The following TMEM214 variants were observed in gnomAD, a reference collection of about 807,000 sequenced individuals.
TMEM214 encodes the protein transmembrane protein 214.
TMEM214 carries 71 observed loss-of-function variants against 89.8 expected under a neutral mutation model. The observed-to-expected ratio is 0.79, with a 90% confidence interval of 0.65 to 0.96. The LOEUF (loss-of-function observed/expected upper bound fraction) is 0.96. TMEM214 is among the 40% of genes least tolerant of loss of function. TMEM214 has a pLI of 0.00. For missense variants in TMEM214, 754 were observed against 843.4 expected (o/e 0.89, Z 1.31); for synonymous variants, 332 against 349.5 (o/e 0.95, Z 0.56).
Position 27,034,275 on chromosome 2 carries a change from G to A in TMEM214, c.351+9G>A, listed in dbSNP as rs1452662923. 2 of 1,612,582 alleles carry A rather than the reference G, an allele frequency of 1.2e-6. No individual in the cohort carries two copies. The highest frequency in any genetic ancestry group is 1.7e-5 in the Admixed American group (1 of 59,838). On this transcript the variant is annotated intron_variant, in intron 2 of 16. Transcript: ENST00000238788. ...AGGAAGCACTGAAAGCTGTGAGTGT[G>A]CCTAGACATGAGACGCAGAAAGAAT...
chr2:27,038,886 C>T lies in TMEM214; in HGVS notation c.1407+71C>T. 1.4e-6 allele frequency: 2 copies of T among 1,478,268 alleles called. No homozygotes were observed. The highest frequency in any genetic ancestry group is 4.6e-5 in the East Asian group (2 of 43,900). The allele number at this position is 1,478,268 out of a possible 1,614,324, so 91.6% of individuals were successfully genotyped here. On this transcript the variant is annotated intron_variant, in intron 12 of 16. Coordinates refer to ENST00000238788, the MANE Select transcript of TMEM214 (RefSeq NM_017727.5). This position sits in a 1 kb window ranked among gnomAD's most constrained non-coding sequence, Gnocchi z 4.4. ...CTGTCTCAGCACACCTGGGTTGGGCCTGTATCACATTCCTGCCCCACCTGT... is the reference window on the plus strand; with the variant it reads ...CTGTCTCAGCACACCTGGGTTGGGCTTGTATCACATTCCTGCCCCACCTGT...
rs1168258961 is a variant in TMEM214 at position 27,034,251 on chromosome 2, G to T, written c.336G>T (p.Glu112Asp). ...NQKQGRFRSL[E>D]EALKALDVAD... ...AGCAGGGCCGCTTCCGCAGCCTGGA[G>T]GAAGCACTGAAAGCTGTGAGTGTGC... Residue 112 changes from glutamate (E) to aspartate (D), a missense_variant, in exon 2 of 17, where the codon GAG becomes GAT. Glu to Asp is a conservative substitution (Grantham distance 45). Coordinates refer to ENST00000238788, the MANE Select transcript of TMEM214 (RefSeq NM_017727.5). The T allele has an allele frequency of 6.2e-7, 1 of 1,613,916 alleles. No homozygotes were observed. The highest frequency in any genetic ancestry group is 1.7e-5 in the Admixed American group (1 of 60,024).
Position 27,039,912 on chromosome 2 carries a change from A to T in TMEM214, c.1622+75A>T, listed in dbSNP as rs1331985441. On this transcript the variant is annotated intron_variant, in intron 14 of 16. Coordinates refer to ENST00000238788, the MANE Select transcript of TMEM214 (RefSeq NM_017727.5). ...GGGTGTCAGGGAGGAGGCGACAGTCAGTGGGAAGCGCTTGTGATTCTCCTT... is the reference window on the plus strand; with the variant it reads ...GGGTGTCAGGGAGGAGGCGACAGTCTGTGGGAAGCGCTTGTGATTCTCCTT... 7.5e-5 allele frequency: 120 copies of T among 1,599,584 alleles called. No individual in the cohort carries two copies. In the East Asian group the frequency reaches 2.1e-3, roughly 28 times the overall value.
At position 27,040,443 on chromosome 2, in the gene TMEM214, C is replaced by T. The variant is rs778095918; in HGVS notation, c.1890C>T (p.His630=). The change falls in exon 16 of 17, where the codon CAC becomes CAT. Residue 630 remains histidine (H), a synonymous_variant. Transcript: ENST00000238788. ...FHQNVLLPLW[H]LLLEALAWAQ... ...AGAATGTGCTGCTGCCACTGTGGCA[C>T]CTCTTGCTTGAGGCCCTGGCCTGGG... 5.0e-6 allele frequency: 8 copies of T among 1,614,180 alleles called. No homozygotes were observed. The highest frequency in any genetic ancestry group is 5.1e-6 in the Non-Finnish European group (6 of 1,180,044).
At chr2:27,040,246 C>A in intron 15 of TMEM214, 48 bp downstream of exon 15, 2 of 1,605,314 alleles carry the variant, frequency 1.2e-6, no homozygotes, top group Non-Finnish European at 1.7e-6. Flanking sequence ...TTCCCAGGAG[C>A]AGAATTCTGG....
At chr2:27,037,429 G>C in intron 8 of TMEM214, 132 bp from the exon 9 acceptor site, 1 of 1,173,702 alleles carries the variant, frequency 8.5e-7, no homozygotes, top group Non-Finnish European at 1.2e-6. Flanking sequence ...TGAGTAAAAA[G>C]ATTCAGAGCC....
rs1191100538 is a variant in TMEM214, at chr2:27,040,068, T to C, written c.1661T>C (p.Leu554Pro). ...GETLPLWGSH[L>P]LTVVRPSLQL... ...ACACTGCCGCTCTGGGGCTCCCACC[T>C]GCTCACCGTGGTGCGGCCCAGCTTG... Residue 554 changes from leucine (L) to proline (P), a missense_variant, in exon 15 of 17, where the codon CTG becomes CCG. By Grantham distance (98) the Leu-to-Pro change is moderately conservative. Coordinates refer to ENST00000238788, the MANE Select transcript of TMEM214 (RefSeq NM_017727.5). The C allele has an allele frequency of 6.2e-7, 1 of 1,608,482 alleles. No homozygotes were observed. The highest frequency in any genetic ancestry group is 2.2e-5 in the East Asian group (1 of 44,878).
chr2:27,033,957 G>A (rs954594083), intron 1 of TMEM214, 110 bp from the exon 2 acceptor site: 4 of 1,221,170 alleles, frequency 3.3e-6, no homozygotes, highest in Middle Eastern at 5.1e-4. Context: ...TTTGAGACAG[G>A]CTCTTCCCTG....
intron 14 of TMEM214, 31 bp from the exon 15 acceptor site, chr2:27,039,999 A>C: frequency 6.3e-7 from 1 of 1,596,966 alleles, no homozygotes. Context: ...GGAGACTCAG[A>C]GCCCTCTTCC....
At position 27,038,548 on chromosome 2, in the gene TMEM214, G is replaced by C. The variant is rs1667673670; in HGVS notation, c.1293+16G>C. 1 of 1,613,804 alleles carries C rather than the reference G, an allele frequency of 6.2e-7. No individual in the cohort carries two copies. Among genetic ancestry groups the C allele is most frequent in the Non-Finnish European group, 8.5e-7 (1 of 1,179,946 alleles). On this transcript the variant is annotated intron_variant, in intron 11 of 16. Coordinates refer to ENST00000238788, the MANE Select transcript of TMEM214 (RefSeq NM_017727.5). The surrounding 1 kb of genome is among the most constrained non-coding windows in gnomAD (Gnocchi z 4.4). ...TCCCAAGAAGGTGAGGAGCTGGGAG[G>C]ACGTGGCAGGTTGAGCCCTGTCTGG... is the stretch of plus-strand genomic sequence containing the variant.
At position 27,034,152 on chromosome 2, in the gene TMEM214, T is replaced by C; in HGVS notation, c.237T>C (p.Pro79=). Residue 79 remains proline, a synonymous_variant, in exon 2 of 17, where the codon CCT becomes CCC. Coordinates refer to ENST00000238788, the MANE Select transcript of TMEM214 (RefSeq NM_017727.5). ...KRQNKEQVPP[P]AVEPKKPGNK... ...AGAATAAGGAGCAGGTCCCACCCCC[T>C]GCTGTGGAACCTAAGAAACCAGGGA... 6.2e-7 allele frequency: 1 copy of C among 1,614,170 alleles called. No individual in the cohort carries two copies. The highest frequency in any genetic ancestry group is 8.5e-7 in the Non-Finnish European group (1 of 1,180,022).
Position 27,034,022 on chromosome 2 carries a change from G to A in TMEM214, c.152-45G>A, listed in dbSNP as rs372351620. ...GGGACCACTGATAGGTGAGGCCTTG[G>A]GGACTCAAGGGTGGCCTGCCTTTCT... On this transcript the variant is annotated intron_variant, in intron 1 of 16. Transcript: ENST00000238788. 3.4e-5 allele frequency: 54 copies of A among 1,599,316 alleles called. 1 individual carries two copies. The South Asian group carries it at 5.6e-4, about 17-fold the overall frequency.
At chr2:27,036,883 A>T in intron 7 of TMEM214, 97 bp downstream of exon 7, 8 of 1,303,234 alleles carry the variant, frequency 6.1e-6, no homozygotes, top group Non-Finnish European at 8.9e-6. Context: ...CATGGATATG[A>T]GGAAAATCAG....
At chr2:27,033,217 C>G in intron 1 of TMEM214, 51 bp downstream of exon 1, 2 of 1,242,940 alleles carry the variant, frequency 1.6e-6, no homozygotes, top group Non-Finnish European at 2.0e-6. Flanking sequence ...CCGGCAGGGT[C>G]GCAGCGAGCG....
chr2:27,036,158 C>T, intron 5 of TMEM214, 106 bp downstream of exon 5: 2 of 1,019,280 alleles, frequency 2.0e-6, no homozygotes, highest in East Asian at 2.6e-5. Context: ...ACCTGTAAGC[C>T]TAGTAATAAT....
Position 27,041,192 on chromosome 2 carries a change from TC to T in TMEM214, c.*358del, listed in dbSNP as rs1450078857. Reference sequence around the variant, plus strand: ...CAGCTCATCTCTAAAAAGATAGAACTCCCAGCAGGTGGCTTCTGTGTTCTTC... The same window carrying T: ...CAGCTCATCTCTAAAAAGATAGAACTCCAGCAGGTGGCTTCTGTGTTCTTC... On this transcript the variant is annotated 3_prime_UTR_variant, in exon 17 of 17. Coordinates refer to ENST00000238788, the MANE Select transcript of TMEM214 (RefSeq NM_017727.5). 1 of 217,104 alleles carries T rather than the reference TC, an allele frequency of 4.6e-6. No homozygotes were observed. Among genetic ancestry groups the T allele is most frequent in the African/African-American group, 2.3e-5 (1 of 44,060 alleles). 13.4% of individuals were successfully genotyped at this position (217,104 alleles called of 1,614,324 possible).
At chr2:27,034,727 G>A (rs1667472092) in intron 2 of TMEM214, 1 of 212,336 alleles carries the variant, frequency 4.7e-6, no homozygotes. Flanking sequence ...GGGATTACAG[G>A]CGTCTGCCAC....
Position 27,037,117 on chromosome 2 carries a change from C to T in TMEM214, c.949C>T (p.Pro317Ser). ...TACCAAGGGCTTCGGCATGATTGGC[C>T]CCAAGGACTTCTTCCCACTTCTGGA... ...NLTKGFGMIG[P>S]KDFFPLLDFA... is the part of the protein sequence containing the mutation. The change falls in exon 8 of 17, where the codon CCC (proline) becomes TCC (serine). Residue 317 changes from proline to serine, a missense_variant. Transcript: ENST00000238788. 2 of 1,613,960 alleles carry T rather than the reference C, an allele frequency of 1.2e-6. No homozygotes were observed. Among genetic ancestry groups the T allele is most frequent in the Admixed American group, 1.7e-5 (1 of 59,988 alleles).
Position 27,035,826 on chromosome 2 carries a change from T to A in TMEM214, c.637+98T>A, listed in dbSNP as rs78931772. 2,144 of 1,595,326 alleles carry A rather than the reference T, an allele frequency of 1.3e-3. 24 individuals are homozygous for A. The African/African-American group carries it at 0.026, about 19-fold the overall frequency. ...TGGTTCTGTTTCCAGCAGAGAAATG[T>A]GCTAACCTTAACACTTTTTGGAAAG... On this transcript the variant is annotated intron_variant, in intron 4 of 16. Coordinates refer to ENST00000238788, the MANE Select transcript of TMEM214 (RefSeq NM_017727.5).
Sources: allele counts gnomAD v4.1 joint callset, GRCh38; gene constraint gnomAD v4.1.1; non-coding constraint Gnocchi (gnomAD v3.1); transcripts MANE v1.5; gene names NCBI Gene and HGNC (gene_info 2026-07-23, HGNC 2026-07-21).